The following SLIT1 variants were observed in gnomAD, a reference collection of about 807,000 sequenced individuals.
SLIT1 encodes the protein slit homolog 1 protein.
A neutral mutation model predicts 186.1 loss-of-function variants in SLIT1; 66 were observed. That is an observed-to-expected ratio of 0.35 (90% CI 0.29 to 0.44). The LOEUF (loss-of-function observed/expected upper bound fraction) is 0.44, where lower values mean the gene tolerates loss of function less well. SLIT1 is among the 20% of genes least tolerant of loss of function. SLIT1 has a pLI of 1.00. For synonymous variants in SLIT1, 761 were observed against 833.8 expected (o/e 0.91, Z 1.50); for missense variants, 1,638 against 2,037.4 (o/e 0.80, Z 3.77).
At position 96,998,129 on chromosome 10, in the gene SLIT1, C is replaced by T. The variant is rs1392204024; in HGVS notation, c.*2983G>A. 1.3e-5 allele frequency: 2 copies of T among 152,276 alleles called. No homozygotes were observed. Among genetic ancestry groups the T allele is most frequent in the Non-Finnish European group, 2.9e-5 (2 of 68,074 alleles). 9.4% of individuals were successfully genotyped at this position (152,276 alleles called of 1,614,324 possible). ...ACTTCCAGGGCAGGTGCAGCTCCCTCATGGGCCTGTTCTAAACCAGCCTCT... is the reference window on the plus strand; with the variant it reads ...ACTTCCAGGGCAGGTGCAGCTCCCTTATGGGCCTGTTCTAAACCAGCCTCT... On this transcript the variant is annotated 3_prime_UTR_variant, in exon 37 of 37. Transcript: ENST00000266058.
At chr10:97,007,867 C>G (rs1284291172) in intron 31 of SLIT1, among the ~76,000 whole-genome samples, 1 of 152,038 alleles carries the variant, frequency 6.6e-6, no homozygotes, top group African/African-American at 2.4e-5. Context: ...TTTTTTCCTC[C>G]TAAGATTAGG....
In SLIT1 at chr10:97,001,017, T is replaced by C; in HGVS notation, c.*95A>G. On this transcript the variant is annotated 3_prime_UTR_variant, in exon 37 of 37. Transcript: ENST00000266058. Reference sequence around the variant, plus strand: ...CAGCTGCCCAGGAGCCGTCCTGTGATGACCTGCACCCCAGCCCAGCTGCTG... The same window carrying C: ...CAGCTGCCCAGGAGCCGTCCTGTGACGACCTGCACCCCAGCCCAGCTGCTG... 2.0e-6 allele frequency: 2 copies of C among 1,003,264 alleles called. No homozygotes were observed. The highest frequency in any genetic ancestry group is 3.2e-5 in the African/African-American group (2 of 63,040). 62.1% of individuals were successfully genotyped at this position (1,003,264 alleles called of 1,614,324 possible).
Position 97,038,777 on chromosome 10 carries a change from TCATA to T in SLIT1, c.2298-1015_2298-1012del, listed in dbSNP as rs1311480369. 3.3e-5 allele frequency among the ~76,000 whole-genome samples: 5 copies of T among 152,300 alleles called. No individual in the cohort carries two copies. In the South Asian group the frequency reaches 1.0e-3, roughly 32 times the overall value. On this transcript the variant is annotated intron_variant, in intron 21 of 36. Coordinates refer to ENST00000266058, the MANE Select transcript of SLIT1 (RefSeq NM_003061.3). ...GCTCATCCTTACCCCTCGCTCTGCA[TCATA>T]CAAACTGACTTCCCACCCATCTCGT...
Position 97,013,757 on chromosome 10 carries a change from T to A in SLIT1, c.3187A>T (p.Thr1063Ser). 1 of 1,551,212 alleles carries A rather than the reference T, an allele frequency of 6.4e-7. No individual in the cohort carries two copies. The highest frequency in any genetic ancestry group is 2.4e-5 in the East Asian group (1 of 40,904). The part of the protein sequence containing the change: ...PCQHEAQCVG[T>S]PDGPRCECMP... ...AACACTCACCTGGGCCCATCCGGGG[T>A]GCCCACACACTGGGCCTCGTGTTGA... Residue 1063 changes from threonine (T) to serine (S), a missense_variant, in exon 30 of 37, where the codon ACC becomes TCC. This residue lies in a region of SLIT1 where 1,245 missense variants were observed against 1,535.3 expected (regional missense o/e 0.81). Transcript: ENST00000266058.
chr10:97,177,063 C>T (rs1850265916), intron 1 of SLIT1, among the ~76,000 whole-genome samples: 1 of 152,180 alleles, frequency 6.6e-6, no homozygotes, highest in African/African-American at 2.4e-5. Context: ...GAGCCAGCAC[C>T]TCTAGGATGG....
At position 97,185,748 on chromosome 10, in the gene SLIT1, A is replaced by T. The variant is rs1447451769; in HGVS notation, c.-74T>A. On this transcript the variant is annotated 5_prime_UTR_variant, in exon 1 of 37. Transcript: ENST00000266058. The stretch of plus-strand genomic sequence containing the variant: ...ACCATCCCCGTCCGGGGCCGCCTCC[A>T]GGTGCAGTCCCGGGGCAGAGCCACC... The T allele has an allele frequency of 1.5e-6, 2 of 1,307,518 alleles. No homozygotes were observed. The highest frequency in any genetic ancestry group is 1.6e-5 in the South Asian group (1 of 62,962). 81.0% of individuals were successfully genotyped at this position (1,307,518 alleles called of 1,614,324 possible). A position where few individuals can be genotyped will look rare whatever the true frequency, so the allele number is the denominator to read the frequency against.
At chr10:97,159,131 T>C (rs1284437620) in intron 3 of SLIT1, among the ~76,000 whole-genome samples, 1 of 152,214 alleles carries the variant, frequency 6.6e-6, no homozygotes, top group Non-Finnish European at 1.5e-5. Context: ...AACTGTATGA[T>C]AAACCATCTC....
Position 97,064,819 on chromosome 10 carries a change from C to T in SLIT1, c.543G>A (p.Arg181=). 6.2e-7 allele frequency: 1 copy of T among 1,611,804 alleles called. No homozygotes were observed. The highest frequency in any genetic ancestry group is 1.7e-4 in the Middle Eastern group (1 of 6,030). The change falls in exon 6 of 37, where the codon CGG becomes CGA. Residue 181 remains arginine (R), a synonymous_variant. Transcript: ENST00000266058. ...CIEEGAFRAL[R]GLEVLTLNNN... Reference sequence around the variant, plus strand: ...GCTTTACTTACAGCACCTCCAGCCCCCGCAGAGCACGGAAGGCCCCTTCCT... The same window carrying T: ...GCTTTACTTACAGCACCTCCAGCCCTCGCAGAGCACGGAAGGCCCCTTCCT...
chr10:97,031,886 T>TATTTTA (rs1848594795), intron 23 of SLIT1, among the ~76,000 whole-genome samples: 1 of 152,248 alleles, frequency 6.6e-6, no homozygotes, highest in South Asian at 2.1e-4. Flanking sequence ...TCTGCCTCAA[T>TATTTTA]CAGTTCCCCC....
intron 4 of SLIT1, among the ~76,000 whole-genome samples, chr10:97,094,697 A>G (rs113449530): frequency 0.025 from 3,741 of 152,340 alleles, 183 homozygotes; most frequent in African/African-American, 0.085. Context: ...CATCGAGCAC[A>G]GTGCCTAGGG....
chr10:97,114,282 C>T (rs186382471), intron 4 of SLIT1, among the ~76,000 whole-genome samples: 15 of 152,274 alleles, frequency 9.9e-5, no homozygotes, highest in Admixed American at 9.8e-4. Flanking sequence ...TAAGGGAGGC[C>T]AGCCGGTGGA....
At chr10:97,071,728 G>A (rs374577754) in intron 4 of SLIT1, among the ~76,000 whole-genome samples, 6 of 152,246 alleles carry the variant, frequency 3.9e-5, no homozygotes, top group East Asian at 3.9e-4. Context: ...AGCTCACAGC[G>A]CCCACGGGAC....
intron 11 of SLIT1, chr10:97,058,015 A>G (rs1274417719): frequency 1.4e-6 from 1 of 717,474 alleles, no homozygotes; most frequent in South Asian, 1.5e-5. Context: ...CTTCAAGGTC[A>G]TTCCTGGAGT....
chr10:97,031,610 G>A lies in SLIT1; in HGVS notation c.2506C>T (p.Leu836=), dbSNP rs1402755393. Residue 836 remains leucine (L), a synonymous_variant, in exon 24 of 37, where the codon CTG becomes TTG. Transcript: ENST00000266058. ...ATGGTGAGTGAGGAGACTTACAGCA[G>A]GCGCAGGGAGCGGAGTCCCTGGAAG... ...LAFQGLRSLR[L]LSLHGNDIST... The A allele has an allele frequency of 6.4e-7, 1 of 1,550,894 alleles. No individual in the cohort carries two copies. The highest frequency in any genetic ancestry group is 2.0e-5 in the Admixed American group (1 of 50,996).
rs1330907593 is a variant in SLIT1 at position 97,022,304 on chromosome 10, AT to A, written c.2583-892del. On this transcript the variant is annotated intron_variant, in intron 25 of 36. Coordinates refer to ENST00000266058, the MANE Select transcript of SLIT1 (RefSeq NM_003061.3). This position sits in a 1 kb window ranked among gnomAD's most constrained non-coding sequence, Gnocchi z 4.2. Reference sequence around the variant, plus strand: ...CCCATGCTCTTTTATTTTTCTTTGCATTTTTAATTAAACAGAACACATGAAT... The same window carrying A: ...CCCATGCTCTTTTATTTTTCTTTGCATTTTAATTAAACAGAACACATGAAT... Among the ~76,000 whole-genome samples, 9 of 152,172 alleles carry A rather than the reference AT, an allele frequency of 5.9e-5. No homozygotes were observed. Among genetic ancestry groups the A allele is most frequent in the Non-Finnish European group, 1.2e-4 (8 of 68,028 alleles).
intron 1 of SLIT1, among the ~76,000 whole-genome samples, chr10:97,180,130 A>G (rs1850315107): frequency 6.6e-6 from 1 of 152,178 alleles, no homozygotes; most frequent in African/African-American, 2.4e-5. Flanking sequence ...CTTGTGCTCC[A>G]GGGTTCCCAG....
At chr10:97,159,279 G>A (rs764338750) in intron 3 of SLIT1, among the ~76,000 whole-genome samples, 4 of 152,132 alleles carry the variant, frequency 2.6e-5, no homozygotes, top group Non-Finnish European at 5.9e-5. Context: ...ATTGGGCACC[G>A]CCATGTTCCC....
chr10:97,119,904 T>C (rs35425515), intron 4 of SLIT1, among the ~76,000 whole-genome samples: 11,728 of 121,684 alleles, frequency 0.096, 683 homozygotes, highest in Middle Eastern at 0.15. Flanking sequence ...ATATTTTTTT[T>C]CCAAAGGGGT....
At chr10:97,104,855 G>A (rs1849397033) in intron 4 of SLIT1, among the ~76,000 whole-genome samples, 2 of 152,130 alleles carry the variant, frequency 1.3e-5, no homozygotes, top group South Asian at 4.1e-4. Flanking sequence ...TCCCACGGAT[G>A]GCCAAGCATG....
Sources: gnomAD v4.1 joint callset for allele counts (sites outside exome capture counted in the v4.1 genomes callset) on GRCh38, gnomAD v4.1.1 for gene constraint, gnomAD v4.1.1 regional missense constraint, Gnocchi (gnomAD v3.1) non-coding constraint, MANE v1.5 for transcripts, NCBI Gene and HGNC (gene_info 2026-07-23, HGNC 2026-07-21) for gene names.